The following LY96 variants were observed in gnomAD, a reference collection of about 807,000 sequenced individuals.
LY96 encodes the protein lymphocyte antigen 96, also known as myeloid differentiation protein-2.
LY96 carries 18 observed loss-of-function variants against 18.9 expected under a neutral mutation model. The ratio of observed to expected loss-of-function variants is 0.95; its 90% CI spans 0.66 to 1.41. The LOEUF (loss-of-function observed/expected upper bound fraction) is 1.41. Ranked by LOEUF, LY96 falls within the 40% of genes most tolerant of loss-of-function variation. The probability of loss-of-function intolerance (pLI) is 0.00; values close to 1 mark genes in which losing one functional copy is unlikely to be tolerated. For missense variants in LY96, 175 were observed against 182.4 expected, an observed-to-expected ratio of 0.96 and a Z score of 0.23; for synonymous variants, 66 against 62.6, an observed-to-expected ratio of 1.06 and a Z score of -0.26.
chr8:74,046,007 G>A, the LY96 span, among the ~76,000 whole-genome samples: 5 of 152,122 alleles, frequency 3.3e-5, no homozygotes, highest in South Asian at 2.1e-4. Flanking sequence ...GGCTGGGCAC[G>A]GTGGCTCGTG....
chr8:74,094,027 T>A, the LY96 span, among the ~76,000 whole-genome samples: 1 of 152,188 alleles, frequency 6.6e-6, no homozygotes, highest in Non-Finnish European at 1.5e-5. Context: ...CTGCTAAAAT[T>A]ATAATTATAT....
At chr8:74,013,127 T>C (rs1055040634) in intron 3 of LY96, among the ~76,000 whole-genome samples, 15 of 151,966 alleles carry the variant, frequency 9.9e-5, no homozygotes, top group Admixed American at 4.6e-4. Context: ...CAGCTAATTT[T>C]TTTTTCTTTT....
chr8:74,096,695 G>T, the LY96 span, among the ~76,000 whole-genome samples: 10 of 152,098 alleles, frequency 6.6e-5, no homozygotes, highest in Non-Finnish European at 5.9e-5. Context: ...TCATGGGGGC[G>T]GGGACTCTGT....
the LY96 span, among the ~76,000 whole-genome samples, chr8:74,057,528 G>A: frequency 6.6e-6 from 1 of 152,110 alleles, no homozygotes; most frequent in East Asian, 1.9e-4. Context: ...CTTATTCTAA[G>A]ACAGCTCTCA....
At chr8:74,061,346 A>G in the LY96 span, among the ~76,000 whole-genome samples, 40 of 152,244 alleles carry the variant, frequency 2.6e-4, no homozygotes, top group Admixed American at 5.9e-4. Flanking sequence ...ACACTGGAAC[A>G]AAACAAGATG....
At chr8:74,002,081 T>TCTCTCTCTC (rs1816302893) in intron 1 of LY96, among the ~76,000 whole-genome samples, 1 of 27,622 alleles carries the variant, frequency 3.6e-5, no homozygotes, top group African/African-American at 2.0e-4. Context: ...CTTCCTTTCT[T>TCTCTCTCTC]TCTTTCTTTC....
the LY96 span, among the ~76,000 whole-genome samples, chr8:74,088,589 T>TTATA: frequency 2.6e-5 from 4 of 151,982 alleles, no homozygotes; most frequent in African/African-American, 9.7e-5. Flanking sequence ...TCCTGAGTAT[T>TTATA]TATTTATTTA....
intron 2 of LY96, among the ~76,000 whole-genome samples, chr8:74,005,783 TA>T (rs1356037992): frequency 1.3e-5 from 2 of 152,242 alleles, no homozygotes; most frequent in Non-Finnish European, 2.9e-5. Context: ...TTTCCTCTCC[TA>T]CCAGTTACCA....
intron 1 of LY96, among the ~76,000 whole-genome samples, chr8:74,001,937 A>ACCTTCCTC (rs1816277828): frequency 3.2e-5 from 2 of 63,452 alleles, no homozygotes; most frequent in Non-Finnish European, 6.3e-5. Context: ...TTTTCAACCA[A>ACCTTCCTC]CCTTCCTTCC....
chr8:74,088,174 T>G, the LY96 span, among the ~76,000 whole-genome samples: 2 of 128,450 alleles, frequency 1.6e-5, no homozygotes, highest in Non-Finnish European at 3.4e-5. Flanking sequence ...AGGAAAGTGT[T>G]GCTTAACCAC....
At chr8:74,067,303 C>T in the LY96 span, among the ~76,000 whole-genome samples, 7 of 152,312 alleles carry the variant, frequency 4.6e-5, no homozygotes, top group African/African-American at 1.7e-4. Context: ...GCAATTACAC[C>T]TCACTGTAGC....
chr8:74,064,727 C>G, the LY96 span, among the ~76,000 whole-genome samples: 1 of 152,140 alleles, frequency 6.6e-6, no homozygotes, highest in Non-Finnish European at 1.5e-5. Flanking sequence ...TACCCAGCCT[C>G]TGATATTCCT....
chr8:74,004,864 T>C lies in LY96; in HGVS notation c.181T>C (p.Leu61=). ...AGAATTGAAAAGATCCAAAGGATTA[T>C]TGCACATTTTCTACATTCCAAGTAA... ...CIELKRSKGL[L]HIFYIPRRDL... Residue 61 remains leucine, a synonymous_variant, in exon 2 of 5, where the codon TTG becomes CTG. Transcript: ENST00000284818. 16 of 1,591,812 alleles carry C rather than the reference T, an allele frequency of 1.0e-5. No individual in the cohort carries two copies. The highest frequency in any genetic ancestry group is 1.4e-5 in the Non-Finnish European group (16 of 1,162,244).
At chr8:74,022,939 C>G (rs896760146) in intron 3 of LY96, among the ~76,000 whole-genome samples, 2 of 152,140 alleles carry the variant, frequency 1.3e-5, no homozygotes, top group African/African-American at 4.8e-5. Context: ...CCTCCCCTGC[C>G]CCTTACACAA....
chr8:74,078,675 G>A, the LY96 span, among the ~76,000 whole-genome samples: 1 of 152,148 alleles, frequency 6.6e-6, no homozygotes, highest in Non-Finnish European at 1.5e-5. Context: ...TGTGTCTCCT[G>A]GAAATGCAAG....
chr8:74,037,719 CT>C, the LY96 span, among the ~76,000 whole-genome samples: 1 of 152,144 alleles, frequency 6.6e-6, no homozygotes, highest in African/African-American at 2.4e-5. Flanking sequence ...TCACCCAAGT[CT>C]GGGTCTTGCC....
intron 3 of LY96, among the ~76,000 whole-genome samples, chr8:74,023,444 G>T (rs572388903): frequency 3.3e-5 from 5 of 152,326 alleles, no homozygotes; most frequent in Admixed American, 2.0e-4. Flanking sequence ...TGAATAGCAG[G>T]CCTGTGGGAA....
chr8:73,998,565 A>G (rs1017295942), intron 1 of LY96, among the ~76,000 whole-genome samples: 4 of 152,180 alleles, frequency 2.6e-5, no homozygotes, highest in African/African-American at 9.6e-5. Context: ...CACCTGTAGT[A>G]CTAGCGACTC....
chr8:74,027,273 T>G (rs906333788), intron 4 of LY96, among the ~76,000 whole-genome samples: 1 of 151,598 alleles, frequency 6.6e-6, no homozygotes, highest in East Asian at 1.9e-4. Context: ...GAGATTAAGA[T>G]GTTCAGGGTT....
Sources: gnomAD v4.1 joint callset for allele counts (sites outside exome capture counted in the v4.1 genomes callset) on GRCh38, gnomAD v4.1.1 for gene constraint, MANE v1.5 for transcripts, NCBI Gene and HGNC (gene_info 2026-07-23, HGNC 2026-07-21) for gene names.